CBX7: variants seen among roughly 807,000 people sequenced by gnomAD.
CBX7 encodes chromobox protein homolog 7.
A neutral mutation model predicts 31.4 loss-of-function variants in CBX7; 14 were observed. The ratio of observed to expected loss-of-function variants is 0.45; its 90% confidence interval spans 0.29 to 0.70. CBX7 has a LOEUF of 0.70. Among genes scored for constraint, CBX7 ranks in the 30% least tolerant of loss-of-function variants. The probability of loss-of-function intolerance (pLI) is 0.11; values close to 1 mark genes in which losing one functional copy is unlikely to be tolerated. For missense variants in CBX7, 269 were observed against 351.9 expected (o/e 0.76, Z 1.89); for synonymous variants, 159 against 152.6 (o/e 1.04, Z -0.31).
At position 39,152,322 on chromosome 22, in the gene CBX7, G is replaced by A; in HGVS notation, c.69+54C>T. 8.3e-7 allele frequency: 1 copy of A among 1,207,844 alleles called. No individual in the cohort carries two copies. The highest frequency in any genetic ancestry group is 1.1e-6 in the Non-Finnish European group (1 of 932,940). 74.8% of individuals were successfully genotyped at this position (1,207,844 alleles called of 1,614,324 possible). On this transcript the variant is annotated intron_variant, in intron 1 of 5. Coordinates refer to ENST00000216133, the MANE Select transcript of CBX7 (RefSeq NM_175709.5). The surrounding 1 kb of genome is among the most constrained non-coding windows in gnomAD (Gnocchi z 4.9). ...GCCCCAGCGTGGAGGGAGCGGTGCT[G>A]GGGACGGGAGGGACCCCACTGGGGT...
At chr22:39,138,072 T>C (rs1930317035) in intron 4 of CBX7, among the ~76,000 whole-genome samples, 1 of 147,718 alleles carries the variant, frequency 6.8e-6, no homozygotes, top group African/African-American at 2.5e-5. Flanking sequence ...TCCCAGCTAC[T>C]GGGGAGGCTG....
In CBX7 at chr22:39,152,575, G is replaced by A; in HGVS notation, c.-131C>T. 5.6e-6 allele frequency: 1 copy of A among 178,524 alleles called. No individual in the cohort carries two copies. The highest frequency in any genetic ancestry group is 1.1e-5 in the Non-Finnish European group (1 of 93,564). The allele number at this position is 178,524 out of a possible 1,614,324, so 11.1% of individuals were successfully genotyped here. ...CTCGTCCGGGCGCGCACGCGCACGC[G>A]CACGCGCGCACACCCCCTCGCGCTC... On this transcript the variant is annotated 5_prime_UTR_variant, in exon 1 of 6. Coordinates refer to ENST00000216133, the MANE Select transcript of CBX7 (RefSeq NM_175709.5). This position sits in a 1 kb window ranked among gnomAD's most constrained non-coding sequence, Gnocchi z 4.9.
In CBX7 at chr22:39,134,032, G is replaced by A. The variant is rs201404123; in HGVS notation, c.615C>T (p.Ala205=). Residue 205 remains alanine, a synonymous_variant, in exon 6 of 6, where the codon GCC becomes GCT. Coordinates refer to ENST00000216133, the MANE Select transcript of CBX7 (RefSeq NM_175709.5). ...CAGGTGTCCAGGGAGGGGGCCCCTC[G>A]GCCAGGTCGGCATCTGCTGCAGCGT... ...PPEEEADADL[A]EGPPPWTPAL... 1.6e-5 allele frequency: 26 copies of A among 1,602,798 alleles called. No homozygotes were observed. The highest frequency in any genetic ancestry group is 6.6e-5 in the South Asian group (6 of 90,528).
In CBX7 at chr22:39,134,639, C is replaced by A. The variant is rs886309382; in HGVS notation, c.360G>T (p.Ala120=). ...CCTTGTCCACCAGCTCAGGTGCCCCCGCCTTGACCACCCCCTCAGGGCTCC... is the reference window on the plus strand; with the variant it reads ...CCTTGTCCACCAGCTCAGGTGCCCCAGCCTTGACCACCCCCTCAGGGCTCC... The part of the protein sequence containing the change: ...GSGSPEGVVK[A]GAPELVDKGP... The change falls in exon 5 of 6, where the codon GCG becomes GCT. Residue 120 remains alanine, a synonymous_variant. Coordinates refer to ENST00000216133, the MANE Select transcript of CBX7 (RefSeq NM_175709.5). 3 of 1,586,602 alleles carry A rather than the reference C, an allele frequency of 1.9e-6. No homozygotes were observed. The highest frequency in any genetic ancestry group is 2.6e-6 in the Non-Finnish European group (3 of 1,166,148).
intron 2 of CBX7, among the ~76,000 whole-genome samples, chr22:39,146,075 C>T (rs1930651657): frequency 6.6e-6 from 1 of 152,222 alleles, no homozygotes; most frequent in African/African-American, 2.4e-5. Context: ...GCACAGAAGA[C>T]ACAGCACGGG....
intron 2 of CBX7, among the ~76,000 whole-genome samples, chr22:39,144,237 G>T (rs1930562011): frequency 6.6e-6 from 1 of 152,184 alleles, no homozygotes; most frequent in African/African-American, 2.4e-5. Context: ...TGGGCTCGCA[G>T]TGAAGCCCTG....
At position 39,133,644 on chromosome 22, in the gene CBX7, C is replaced by T. The variant is rs1021397324; in HGVS notation, c.*247G>A. 1.3e-4 allele frequency: 54 copies of T among 401,466 alleles called. No homozygotes were observed. Among genetic ancestry groups the T allele is most frequent in the Admixed American group, 5.9e-4 (14 of 23,882 alleles). 24.9% of individuals were successfully genotyped at this position (401,466 alleles called of 1,614,324 possible). ...TGGTGTCCCGGGCAGGTGATCCTGT[C>T]CCCATCCTGCCCTGGGGGTGGTACC... On this transcript the variant is annotated 3_prime_UTR_variant, in exon 6 of 6. Transcript: ENST00000216133.
At chr22:39,139,628 G>A (rs1278930588) in intron 3 of CBX7, among the ~76,000 whole-genome samples, 1 of 150,824 alleles carries the variant, frequency 6.6e-6, no homozygotes, top group African/African-American at 2.4e-5. Context: ...GTGTGAACCT[G>A]GGAGGCGGAG....
rs1011346065 is a variant in CBX7 at position 39,131,155 on chromosome 22, C to G, written c.*2736G>C. Reference sequence around the variant, plus strand: ...CAAGGGGACAGGAGGAGCTTGGCAACGAGGTCATCACCCGAACAGCAGTGA... The same window carrying G: ...CAAGGGGACAGGAGGAGCTTGGCAAGGAGGTCATCACCCGAACAGCAGTGA... On this transcript the variant is annotated 3_prime_UTR_variant, in exon 6 of 6. Coordinates refer to ENST00000216133, the MANE Select transcript of CBX7 (RefSeq NM_175709.5). The G allele has an allele frequency of 1.3e-5, 2 of 152,582 alleles. No individual in the cohort carries two copies. Among genetic ancestry groups the G allele is most frequent in the East Asian group, 1.9e-4 (1 of 5,200 alleles). 9.5% of individuals were successfully genotyped at this position (152,582 alleles called of 1,614,324 possible).
intron 1 of CBX7, among the ~76,000 whole-genome samples, chr22:39,151,580 A>G (rs1383988172): frequency 6.6e-6 from 1 of 152,220 alleles, no homozygotes; most frequent in African/African-American, 2.4e-5. Context: ...CAAAGGAAGG[A>G]CAGTAGTGCG....
At position 39,134,443 on chromosome 22, in the gene CBX7, C is replaced by T. The variant is rs762386327; in HGVS notation, c.556G>A (p.Ala186Thr). 3 of 1,604,914 alleles carry T rather than the reference C, an allele frequency of 1.9e-6. No individual in the cohort carries two copies. Among genetic ancestry groups the T allele is most frequent in the East Asian group, 4.5e-5 (2 of 44,872 alleles). The change falls in exon 5 of 6, where the codon GCT becomes ACT. Residue 186 changes from alanine to threonine, a missense_variant. Ala to Thr is a moderately conservative substitution (Grantham distance 58). This residue lies in a region of CBX7 where 222 missense variants were observed against 240.4 expected (regional missense o/e 0.92). Coordinates refer to ENST00000216133, the MANE Select transcript of CBX7 (RefSeq NM_175709.5). ...TGCGCAGCAGGCTCCCACTCGCCAG[C>T]CGCCTGCAGGACGTCTGGGGCCGGT... ...EPPAPDVLQA[A>T]GEWEPAAQPP...
At chr22:39,141,303 G>T in intron 3 of CBX7, 68 bp downstream of exon 3, 1 of 1,419,750 alleles carries the variant, frequency 7.0e-7, no homozygotes, top group Non-Finnish European at 9.8e-7. Context: ...TGCCAAGCCA[G>T]CAGCAGGCTC....
At chr22:39,149,621 CA>C (rs1275158326) in intron 2 of CBX7, 167 bp downstream of exon 2, 13 of 656,630 alleles carry the variant, frequency 2.0e-5, no homozygotes, top group Non-Finnish European at 3.5e-5. Flanking sequence ...TCCTGTGGTC[CA>C]GGGGGAAACT....
intron 1 of CBX7, 100 bp from the exon 2 acceptor site, chr22:39,149,932 T>C (rs777665687): frequency 2.5e-4 from 221 of 896,026 alleles, no homozygotes; most frequent in Non-Finnish European, 3.8e-4. Context: ...CCAAATCCCA[T>C]CTGCAGACAG....
intron 2 of CBX7, among the ~76,000 whole-genome samples, chr22:39,145,113 C>A (rs1430007691): frequency 2.0e-5 from 3 of 152,152 alleles, no homozygotes; most frequent in Non-Finnish European, 4.4e-5. Context: ...GCACAGTGAG[C>A]GCCCCGAAAG....
At chr22:39,138,182 CAA>C (rs1185254645) in intron 4 of CBX7, among the ~76,000 whole-genome samples, 25 of 59,066 alleles carry the variant, frequency 4.2e-4, no homozygotes, top group East Asian at 4.1e-3. Flanking sequence ...GACTCCGTCT[CAA>C]AAAAAAAAAA....
In CBX7 at chr22:39,134,666, G is replaced by A. The variant is rs760173100; in HGVS notation, c.333C>T (p.Ser111=). 9.5e-6 allele frequency: 15 copies of A among 1,586,368 alleles called. No individual in the cohort carries two copies. In the African/African-American group the frequency reaches 1.1e-4, roughly 11 times the overall value. ...CCTTGACCACCCCCTCAGGGCTCCC[G>A]CTGCCGAGTGGGCACGTCAGGGAGA... The part of the protein sequence containing the change: ...LCFSLTCPLG[S]GSPEGVVKAG... The change falls in exon 5 of 6, where the codon AGC becomes AGT. Residue 111 remains serine, a synonymous_variant. Coordinates refer to ENST00000216133, the MANE Select transcript of CBX7 (RefSeq NM_175709.5).
chr22:39,144,170 G>C (rs1198147676), intron 2 of CBX7, among the ~76,000 whole-genome samples: 1 of 152,190 alleles, frequency 6.6e-6, no homozygotes, highest in East Asian at 1.9e-4. Context: ...ACGACAGAAT[G>C]CTCGCCTCCT....
At chr22:39,141,867 G>C (rs9622960) in intron 2 of CBX7, among the ~76,000 whole-genome samples, 1 of 152,056 alleles carries the variant, frequency 6.6e-6, no homozygotes, top group Non-Finnish European at 1.5e-5. Flanking sequence ...AGGTGTCATT[G>C]TCACCTACTT....
Sources: allele counts gnomAD v4.1 joint callset (sites outside exome capture counted in the v4.1 genomes callset), GRCh38; gene constraint gnomAD v4.1.1; regional missense constraint gnomAD v4.1.1; non-coding constraint Gnocchi (gnomAD v3.1); transcripts MANE v1.5; gene names NCBI Gene and HGNC (gene_info 2026-07-23, HGNC 2026-07-21).